The following OR1J2 variants were observed in gnomAD, a reference collection of about 807,000 sequenced individuals.
OR1J2 encodes olfactory receptor family 1 subfamily J member 2.
For synonymous variants in OR1J2, 142 were observed against 99.7 expected (o/e 1.42, Z -2.52); for missense variants, 304 against 246.1 (o/e 1.24, Z -1.57).
chr9:122,526,745 C>T, the OR1J2 span: 1 of 1,614,094 alleles, frequency 6.2e-7, no homozygotes, highest in Non-Finnish European at 8.5e-7. Flanking sequence ...ATGACAGCTT[C>T]AGGACAGGAG....
At chr9:122,492,788 G>C in the OR1J2 span, among the ~76,000 whole-genome samples, 1 of 152,170 alleles carries the variant, frequency 6.6e-6, no homozygotes, top group African/African-American at 2.4e-5. Flanking sequence ...TTTTGTTCCA[G>C]TTCTCAGGGG....
the OR1J2 span, among the ~76,000 whole-genome samples, chr9:122,479,590 T>A: frequency 6.6e-6 from 1 of 152,210 alleles, no homozygotes; most frequent in Non-Finnish European, 1.5e-5. Flanking sequence ...CTTGGAAACT[T>A]CACATCATAA....
At chr9:122,544,802 A>T in the OR1J2 span, among the ~76,000 whole-genome samples, 7 of 152,064 alleles carry the variant, frequency 4.6e-5, no homozygotes, top group Admixed American at 4.6e-4. Flanking sequence ...CATTTTCTTC[A>T]AAAGGCCAAC....
the OR1J2 span, among the ~76,000 whole-genome samples, chr9:122,467,736 C>T: frequency 1.3e-5 from 2 of 152,122 alleles, no homozygotes; most frequent in East Asian, 3.8e-4. Flanking sequence ...CTTTGGAGTA[C>T]CCTGATCCTA....
the OR1J2 span, among the ~76,000 whole-genome samples, chr9:122,484,967 G>A: frequency 2.0e-5 from 3 of 152,118 alleles, 1 homozygote; most frequent in Non-Finnish European, 2.9e-5. Flanking sequence ...TCGGGAGGTC[G>A]AGGCTGTGAG....
At chr9:122,483,067 A>G in the OR1J2 span, among the ~76,000 whole-genome samples, 6 of 152,250 alleles carry the variant, frequency 3.9e-5, no homozygotes, top group Non-Finnish European at 2.9e-5. Flanking sequence ...ACAACTTATT[A>G]TACAATGTAT....
At chr9:122,532,037 G>A in the OR1J2 span, among the ~76,000 whole-genome samples, 215 of 101,772 alleles carry the variant, frequency 2.1e-3, 1 homozygote, top group African/African-American at 6.5e-3. Flanking sequence ...ATAATCCCTG[G>A]GAAGTAGTAG....
chr9:122,462,921 A>G, the OR1J2 span, among the ~76,000 whole-genome samples: 1 of 152,302 alleles, frequency 6.6e-6, no homozygotes, highest in East Asian at 1.9e-4. Flanking sequence ...TCTTTTTGCA[A>G]TGCATTTCCC....
At chr9:122,484,498 C>T in the OR1J2 span, among the ~76,000 whole-genome samples, 1 of 152,000 alleles carries the variant, frequency 6.6e-6, no homozygotes, top group African/African-American at 2.4e-5. Flanking sequence ...ACTACTTTGG[C>T]CAGTCTACAC....
At chr9:122,530,659 G>A in the OR1J2 span, among the ~76,000 whole-genome samples, 1 of 152,186 alleles carries the variant, frequency 6.6e-6, no homozygotes, top group African/African-American at 2.4e-5. Context: ...TGAGCAACAA[G>A]GCTGTTTATT....
chr9:122,452,810 C>G, the OR1J2 span, among the ~76,000 whole-genome samples: 1 of 152,154 alleles, frequency 6.6e-6, no homozygotes, highest in South Asian at 2.1e-4. Context: ...TGGCGGATCA[C>G]CTGAGGTCAG....
the OR1J2 span, chr9:122,576,822 T>C: frequency 6.6e-6 from 1 of 152,388 alleles, no homozygotes; most frequent in South Asian, 2.1e-4. Context: ...CAGTAAGCTG[T>C]GATTCTTTGT....
chr9:122,551,764 C>G, the OR1J2 span, among the ~76,000 whole-genome samples: 1 of 152,038 alleles, frequency 6.6e-6, no homozygotes. Flanking sequence ...CCTTAACGAG[C>G]ACATTGGGAG....
At chr9:122,525,073 C>T in the OR1J2 span, among the ~76,000 whole-genome samples, 5 of 152,118 alleles carry the variant, frequency 3.3e-5, no homozygotes. Flanking sequence ...CAGGAGAACT[C>T]CAAGTTTGCA....
At chr9:122,501,883 G>A in the OR1J2 span, among the ~76,000 whole-genome samples, 1 of 152,140 alleles carries the variant, frequency 6.6e-6, no homozygotes, top group Non-Finnish European at 1.5e-5. Flanking sequence ...GAGTAAAGGA[G>A]GTCAACAAAA....
the OR1J2 span, chr9:122,553,559 C>G: frequency 6.2e-7 from 1 of 1,614,002 alleles, no homozygotes; most frequent in Admixed American, 1.7e-5. Context: ...TTGACAACTG[C>G]CTGCTGGCTG....
the OR1J2 span, among the ~76,000 whole-genome samples, chr9:122,497,018 A>G: frequency 6.6e-6 from 1 of 152,142 alleles, no homozygotes; most frequent in African/African-American, 2.4e-5. Context: ...CCTAAAGGCC[A>G]GTCTTACTCA....
chr9:122,487,844 A>G, the OR1J2 span, among the ~76,000 whole-genome samples: 17 of 152,210 alleles, frequency 1.1e-4, no homozygotes, highest in Non-Finnish European at 2.2e-4. Context: ...GTCAACTCCT[A>G]TGGGAATATA....
At chr9:122,477,909 C>G in the OR1J2 span, 7 of 1,602,718 alleles carry the variant, frequency 4.4e-6, no homozygotes, top group South Asian at 1.1e-5. Flanking sequence ...ACACGCTGCT[C>G]TGGTTCTCAG....
Sources: gnomAD v4.1 joint callset for allele counts (sites outside exome capture counted in the v4.1 genomes callset) on GRCh38, gnomAD v4.1.1 for gene constraint, MANE v1.5 for transcripts, NCBI Gene and HGNC (gene_info 2026-07-23, HGNC 2026-07-21) for gene names.